The following ELAPOR1 variants were observed in gnomAD, a reference collection of about 807,000 sequenced individuals.
The protein encoded by ELAPOR1 is endosome-lysosome associated apoptosis and autophagy regulator 1.
ELAPOR1 carries 77 observed loss-of-function variants against 119.7 expected under a neutral mutation model. The observed-to-expected ratio is 0.64, with a 90% CI of 0.54 to 0.78. ELAPOR1 has a LOEUF of 0.78. Ranked by LOEUF, ELAPOR1 falls within the 30% of genes least tolerant of loss-of-function variation. ELAPOR1 has a pLI of 0.00. For synonymous variants in ELAPOR1, 481 were observed against 487.2 expected (o/e 0.99, Z 0.17); for missense variants, 1,115 against 1,270.4 (o/e 0.88, Z 1.86).
intron 1 of ELAPOR1, among the ~76,000 whole-genome samples, chr1:109,154,525 C>T (rs1252185872): frequency 1.3e-5 from 2 of 152,128 alleles, no homozygotes; most frequent in Admixed American, 1.3e-4. Flanking sequence ...ACCACTAGCC[C>T]TCGTATCCCC....
At chr1:109,149,331 A>G (rs1375884841) in intron 1 of ELAPOR1, among the ~76,000 whole-genome samples, 2 of 152,046 alleles carry the variant, frequency 1.3e-5, no homozygotes, top group Non-Finnish European at 2.9e-5. Context: ...CAGTTTACAA[A>G]GAGCTTGCCT....
intron 3 of ELAPOR1, among the ~76,000 whole-genome samples, chr1:109,168,254 C>G (rs1296246541): frequency 2.0e-5 from 3 of 152,194 alleles, no homozygotes; most frequent in African/African-American, 7.2e-5. Flanking sequence ...GTTACACTCT[C>G]TTTATCATCC....
intron 1 of ELAPOR1, among the ~76,000 whole-genome samples, chr1:109,142,955 AT>A (rs141688332): frequency 2.3e-3 from 331 of 145,798 alleles, no homozygotes; most frequent in Middle Eastern, 3.5e-3. Flanking sequence ...CATACAATGG[AT>A]TTTTTTTTTT....
At chr1:109,144,061 A>ATATATTTTTTTTTTTTTTTTTTTTTTTTT in intron 1 of ELAPOR1, among the ~76,000 whole-genome samples, 1 of 89,018 alleles carries the variant, frequency 1.1e-5, no homozygotes, top group Non-Finnish European at 2.1e-5. Flanking sequence ...ATATTTATAT[A>ATATATTTTTTTTTTTTTTTTTTTTTTTTT]TTTTTTTTTT....
At chr1:109,160,305 T>TAA (rs796974154) in intron 1 of ELAPOR1, among the ~76,000 whole-genome samples, 1 of 127,740 alleles carries the variant, frequency 7.8e-6, no homozygotes. Context: ...AGAGACTGTC[T>TAA]AAAAAAAAAA....
chr1:109,144,061 A>ATATATTTTTTTTTTTTTTTTTT, intron 1 of ELAPOR1, among the ~76,000 whole-genome samples: 8 of 88,988 alleles, frequency 9.0e-5, no homozygotes, highest in African/African-American at 2.4e-4. Context: ...ATATTTATAT[A>ATATATTTTTTTTTTTTTTTTTT]TTTTTTTTTT....
chr1:109,150,037 C>T (rs917624589), intron 1 of ELAPOR1, among the ~76,000 whole-genome samples: 3 of 152,210 alleles, frequency 2.0e-5, no homozygotes, highest in South Asian at 2.1e-4. Context: ...GTCTCCCTCA[C>T]GGGACTGGTC....
intron 1 of ELAPOR1, among the ~76,000 whole-genome samples, chr1:109,160,130 T>C (rs924731737): frequency 5.9e-5 from 9 of 152,076 alleles, no homozygotes; most frequent in African/African-American, 1.4e-4. Context: ...AGCCAAAGAT[T>C]CTGGTCAAGA....
At chr1:109,135,067 T>C (rs1649381935) in intron 1 of ELAPOR1, among the ~76,000 whole-genome samples, 3 of 152,100 alleles carry the variant, frequency 2.0e-5, no homozygotes, top group Non-Finnish European at 2.9e-5. Context: ...ACCAAGCTAA[T>C]CTTTAACTCC....
chr1:109,150,289 G>C (rs1650448379), intron 1 of ELAPOR1, among the ~76,000 whole-genome samples: 1 of 152,212 alleles, frequency 6.6e-6, no homozygotes, highest in Non-Finnish European at 1.5e-5. Flanking sequence ...CAAAATAGAA[G>C]CTGGAAAGCC....
At chr1:109,181,995 G>T (rs887567899) in intron 7 of ELAPOR1, among the ~76,000 whole-genome samples, 2 of 152,168 alleles carry the variant, frequency 1.3e-5, no homozygotes, top group Non-Finnish European at 2.9e-5. Context: ...GAGGTAAAGA[G>T]ACCTTTAATC....
At chr1:109,122,661 T>A (rs1224785423) in intron 1 of ELAPOR1, among the ~76,000 whole-genome samples, 3 of 135,822 alleles carry the variant, frequency 2.2e-5, no homozygotes, top group Admixed American at 7.6e-5. Context: ...ACTCTCTCTT[T>A]AAAAAAAAAA....
intron 18 of ELAPOR1, 104 bp from the exon 19 acceptor site, chr1:109,199,750 A>G (rs1470083090): frequency 7.4e-7 from 1 of 1,342,814 alleles, no homozygotes; most frequent in East Asian, 2.3e-5. Context: ...TGGTTTGGGC[A>G]GGGAGAGGGT....
chr1:109,122,445 G>A (rs1648496788), intron 1 of ELAPOR1, among the ~76,000 whole-genome samples: 1 of 151,184 alleles, frequency 6.6e-6, no homozygotes, highest in Non-Finnish European at 1.5e-5. Flanking sequence ...GATTGCTTGA[G>A]CCCAGGAGTT....
In ELAPOR1 at chr1:109,199,954, G is replaced by A. The variant is rs375869677; in HGVS notation, c.2602G>A (p.Val868Ile). ...CTCAGTGGCTGACTACCATGCTATC[G>A]TCAGCAGCTGTGTGGCTGGGATCCA... ...LCSVADYHAI[V>I]SSCVAGIQKT... The change falls in exon 19 of 22, where the codon GTC becomes ATC. Residue 868 changes from valine (V) to isoleucine (I), a missense_variant. By Grantham distance (29) the Val-to-Ile change is conservative (BLOSUM62 3). Transcript: ENST00000369939. 17 of 1,613,990 alleles carry A rather than the reference G, an allele frequency of 1.1e-5. No homozygotes were observed. Among genetic ancestry groups the A allele is most frequent in the Admixed American group, 5.0e-5 (3 of 60,010 alleles).
At chr1:109,158,533 G>A (rs763603287) in intron 1 of ELAPOR1, among the ~76,000 whole-genome samples, 4 of 151,980 alleles carry the variant, frequency 2.6e-5, no homozygotes, top group Non-Finnish European at 4.4e-5. Flanking sequence ...GGAAGGATGC[G>A]CTAACTACAG....
chr1:109,184,625 C>CAGAGT (rs1456342765), intron 7 of ELAPOR1, among the ~76,000 whole-genome samples: 3 of 152,220 alleles, frequency 2.0e-5, no homozygotes, highest in Non-Finnish European at 4.4e-5. Flanking sequence ...AAACCACACC[C>CAGAGT]AGAGTCAAGA....
chr1:109,173,449 G>A (rs753168791), intron 5 of ELAPOR1, 25 bp from the exon 6 acceptor site: 1 of 1,590,978 alleles, frequency 6.3e-7, no homozygotes, highest in Non-Finnish European at 8.6e-7. Context: ...TGTGATGAAT[G>A]AATGCTCCTG....
intron 7 of ELAPOR1, among the ~76,000 whole-genome samples, chr1:109,180,926 G>A (rs1011093000): frequency 6.6e-6 from 1 of 152,128 alleles, no homozygotes; most frequent in African/African-American, 2.4e-5. Context: ...TTGTGCCACT[G>A]AACTCCAGCC....
Sources: gnomAD v4.1 joint callset for allele counts (sites outside exome capture counted in the v4.1 genomes callset) on GRCh38, gnomAD v4.1.1 for gene constraint, MANE v1.5 for transcripts, NCBI Gene and HGNC (gene_info 2026-07-23, HGNC 2026-07-21) for gene names.